IQCH: variants seen among roughly 807,000 people sequenced by gnomAD.
IQCH encodes the protein IQ motif containing H.
Under a neutral mutation model 117.0 loss-of-function variants are expected in IQCH, and 98 were observed. The observed-to-expected ratio is 0.84, with a 90% CI of 0.71 to 0.99. The LOEUF (loss-of-function observed/expected upper bound fraction) is 0.99. Ranked by LOEUF, IQCH falls within the 50% of genes least tolerant of loss-of-function variation. The pLI, the probability that IQCH is intolerant of heterozygous loss-of-function variation, is 0.00. For synonymous variants in IQCH, 412 were observed against 448.2 expected (o/e 0.92, Z 1.02); for missense variants, 1,102 against 1,243.8 (o/e 0.89, Z 1.72).
rs1971188059 is a variant in IQCH, at chr15:67,388,804, AAT to A, written c.1457-26_1457-25del. ...TAATGTCATTTACCTTCACACCAGT[AAT>A]TAACATTGTGCCTGTTGTTTTTAGA... On this transcript the variant is annotated intron_variant, in intron 11 of 20. Coordinates refer to ENST00000335894, the MANE Select transcript of IQCH (RefSeq NM_001031715.3). This position sits in a 1 kb window ranked among gnomAD's most constrained non-coding sequence, Gnocchi z 5.5. The A allele has an allele frequency of 6.3e-7, 1 of 1,588,984 alleles. No individual in the cohort carries two copies. The highest frequency in any genetic ancestry group is 1.7e-5 in the Admixed American group (1 of 59,788).
intron 4 of IQCH, among the ~76,000 whole-genome samples, 189 bp from the exon 5 acceptor site, chr15:67,336,786 A>C (rs1245755480): frequency 6.6e-6 from 1 of 152,228 alleles, no homozygotes; most frequent in Non-Finnish European, 1.5e-5. Flanking sequence ...TAACTATTTT[A>C]AATTACACAA....
At chr15:67,478,215 T>C (rs964675277) in intron 18 of IQCH, among the ~76,000 whole-genome samples, 3 of 151,978 alleles carry the variant, frequency 2.0e-5, no homozygotes, top group Admixed American at 1.3e-4. Context: ...TGAAACTCCG[T>C]CTCTACTGAA....
chr15:67,370,176 C>A lies in IQCH; in HGVS notation c.754-1935C>A, dbSNP rs987908209. ...AGACGTGAGTTCTCTCCTTTCTCAA[C>A]TTCTGCCAAGGTTGTCCCATTTTCA... On this transcript the variant is annotated intron_variant, in intron 8 of 20. Transcript: ENST00000335894. The surrounding 1 kb of genome is among the most constrained non-coding windows in gnomAD (Gnocchi z 5.6). 2.0e-5 allele frequency among the ~76,000 whole-genome samples: 3 copies of A among 152,298 alleles called. No individual in the cohort carries two copies. Among genetic ancestry groups the A allele is most frequent in the East Asian group, 1.9e-4 (1 of 5,188 alleles).
At chr15:67,294,430 T>C (rs989171439) in intron 4 of IQCH, among the ~76,000 whole-genome samples, 1 of 152,132 alleles carries the variant, frequency 6.6e-6, no homozygotes, top group African/African-American at 2.4e-5. Context: ...CAAAGCAAAA[T>C]ATTTCCACGT....
rs1438908123 is a variant in IQCH at position 67,405,422 on chromosome 15, CATCATCAAT to C, written c.2097+5119_2097+5127del. On this transcript the variant is annotated intron_variant, in intron 14 of 20. Coordinates refer to ENST00000335894, the MANE Select transcript of IQCH (RefSeq NM_001031715.3). The surrounding 1 kb of genome is among the most constrained non-coding windows in gnomAD (Gnocchi z 4.8). ...TCATCATCATCATCATCATCATCATCATCATCAATAAATACTGCAGAGTACCTACTGGGT... is the reference window on the plus strand; with the variant it reads ...TCATCATCATCATCATCATCATCATCAAATACTGCAGAGTACCTACTGGGT... 1.3e-5 allele frequency: 2 copies of C among 158,000 alleles called. No individual in the cohort carries two copies. Among genetic ancestry groups the C allele is most frequent in the Non-Finnish European group, 2.8e-5 (2 of 72,484 alleles). The allele number at this position is 158,000 out of a possible 1,614,324, so 9.8% of individuals were successfully genotyped here. A position where few individuals can be genotyped will look rare whatever the true frequency, so the allele number is the denominator to read the frequency against.
chr15:67,270,961 C>A (rs1382746334), intron 3 of IQCH, among the ~76,000 whole-genome samples: 1 of 152,116 alleles, frequency 6.6e-6, no homozygotes, highest in East Asian at 1.9e-4. Flanking sequence ...TGTGTTATAT[C>A]ATCCTTGTAT....
intron 16 of IQCH, among the ~76,000 whole-genome samples, chr15:67,440,121 G>T (rs1474578256): frequency 8.5e-5 from 13 of 152,074 alleles, no homozygotes; most frequent in Admixed American, 8.5e-4. Context: ...AAACCTAGAA[G>T]AAATGGATAA....
At chr15:67,345,206 G>A (rs1254652241) in intron 6 of IQCH, among the ~76,000 whole-genome samples, 1 of 152,114 alleles carries the variant, frequency 6.6e-6, no homozygotes, top group Non-Finnish European at 1.5e-5. Flanking sequence ...GGCCAGGCTG[G>A]TCTCAAACTC....
intron 3 of IQCH, among the ~76,000 whole-genome samples, chr15:67,277,195 C>T (rs1287271482): frequency 2.0e-5 from 3 of 152,192 alleles, no homozygotes; most frequent in Admixed American, 6.5e-5. Flanking sequence ...GCTTACATTA[C>T]CCATCTTGTC....
At chr15:67,440,851 G>T (rs1007750769) in intron 16 of IQCH, among the ~76,000 whole-genome samples, 1 of 152,060 alleles carries the variant, frequency 6.6e-6, no homozygotes, top group Non-Finnish European at 1.5e-5. Context: ...AACAGTACTG[G>T]AAGTCCTAGC....
At chr15:67,361,125 G>T (rs558940066) in intron 8 of IQCH, among the ~76,000 whole-genome samples, 1 of 152,338 alleles carries the variant, frequency 6.6e-6, no homozygotes, top group African/African-American at 2.4e-5. Flanking sequence ...TGGTAAAAGG[G>T]TGCAAAGGAT....
At chr15:67,373,300 C>A in intron 9 of IQCH, 67 bp from the exon 10 acceptor site, 1 of 1,017,558 alleles carries the variant, frequency 9.8e-7, no homozygotes, top group Non-Finnish European at 1.5e-6. Context: ...GGAAAAACAG[C>A]TGAAGTTTGA....
chr15:67,266,886 G>C (rs1195129981), intron 3 of IQCH, among the ~76,000 whole-genome samples: 1 of 152,094 alleles, frequency 6.6e-6, no homozygotes, highest in Non-Finnish European at 1.5e-5. Context: ...TCATTTTCTT[G>C]TTCATGGATG....
In IQCH at chr15:67,425,204, A is replaced by G. The variant is rs532299732; in HGVS notation, c.2505+3627A>G. ...GTTGATTTGCTGGAGCTCTTTGTAT[A>G]TTGGAAACTGTCATTCTTTGACTAT... On this transcript the variant is annotated intron_variant, in intron 16 of 20. Coordinates refer to ENST00000335894, the MANE Select transcript of IQCH (RefSeq NM_001031715.3). This position sits in a 1 kb window ranked among gnomAD's most constrained non-coding sequence, Gnocchi z 5.5. Among the ~76,000 whole-genome samples, 1 of 152,306 alleles carries G rather than the reference A, an allele frequency of 6.6e-6. No homozygotes were observed. Among genetic ancestry groups the G allele is most frequent in the East Asian group, 1.9e-4 (1 of 5,192 alleles).
In IQCH at chr15:67,408,937, T is replaced by C. The variant is rs1182988036; in HGVS notation, c.2098-7994T>C. ...ATGTATTTACTTGATATCACTCTTATATTTTAATATAATTTCCTTAAAACC... is the reference window on the plus strand; with the variant it reads ...ATGTATTTACTTGATATCACTCTTACATTTTAATATAATTTCCTTAAAACC... On this transcript the variant is annotated intron_variant, in intron 14 of 20. Coordinates refer to ENST00000335894, the MANE Select transcript of IQCH (RefSeq NM_001031715.3). This position sits in a 1 kb window ranked among gnomAD's most constrained non-coding sequence, Gnocchi z 4.2. Among the ~76,000 whole-genome samples, 1 of 152,222 alleles carries C rather than the reference T, an allele frequency of 6.6e-6. No individual in the cohort carries two copies. The highest frequency in any genetic ancestry group is 2.4e-5 in the African/African-American group (1 of 41,466).
In IQCH at chr15:67,261,333, G is replaced by C; in HGVS notation, c.113G>C (p.Gly38Ala). ...KLTKFSPEEK[G>A]ETLDIQSLET... ...ACAAAATTCTCACCTGAGGAAAAAG[G>C]AGAGACTCTAGACATTCAGAGTCTT... is the stretch of plus-strand genomic sequence containing the variant. The change falls in exon 2 of 21, where the codon GGA becomes GCA. Residue 38 changes from glycine (G) to alanine (A), a missense_variant. Gly to Ala is a moderately conservative substitution (Grantham distance 60). This residue lies in a region of IQCH where 452 missense variants were observed against 449.6 expected (regional missense o/e 1.01). Coordinates refer to ENST00000335894, the MANE Select transcript of IQCH (RefSeq NM_001031715.3). 6.3e-7 allele frequency: 1 copy of C among 1,590,116 alleles called. No homozygotes were observed. The highest frequency in any genetic ancestry group is 8.5e-7 in the Non-Finnish European group (1 of 1,170,888).
chr15:67,278,399 C>G (rs1966215055), intron 3 of IQCH, among the ~76,000 whole-genome samples: 1 of 152,198 alleles, frequency 6.6e-6, no homozygotes, highest in Admixed American at 6.5e-5. Flanking sequence ...AACTCTCAAG[C>G]TAGTCCACAC....
intron 4 of IQCH, among the ~76,000 whole-genome samples, chr15:67,282,536 T>C (rs1217481635): frequency 6.6e-6 from 1 of 152,160 alleles, no homozygotes; most frequent in Non-Finnish European, 1.5e-5. Context: ...TTACTATTGT[T>C]GTTGTATATC....
intron 4 of IQCH, among the ~76,000 whole-genome samples, chr15:67,327,457 CTA>C (rs1968461580): frequency 6.6e-6 from 1 of 152,146 alleles, no homozygotes; most frequent in Non-Finnish European, 1.5e-5. Context: ...AACAGCAGCT[CTA>C]GAGTCCTTAT....
Sources: allele counts gnomAD v4.1 joint callset (sites outside exome capture counted in the v4.1 genomes callset), GRCh38; gene constraint gnomAD v4.1.1; regional missense constraint gnomAD v4.1.1; non-coding constraint Gnocchi (gnomAD v3.1); transcripts MANE v1.5; gene names NCBI Gene and HGNC (gene_info 2026-07-23, HGNC 2026-07-21).